The following SERPINA1 variants were observed in gnomAD, a reference collection of about 807,000 sequenced individuals.
SERPINA1 encodes the protein serpin family A member 1, also known as alpha-1-antitrypsin.
SERPINA1 carries 21 observed loss-of-function variants against 25.4 expected under a neutral mutation model. That is an observed-to-expected ratio of 0.83 (90% CI 0.59 to 1.19). The LOEUF (loss-of-function observed/expected upper bound fraction) is 1.19, where lower values mean the gene tolerates loss of function less well. SERPINA1 is among the 50% of genes most tolerant of loss of function. The pLI is 0.00. For missense variants in SERPINA1, 546 were observed against 509.0 expected (o/e 1.07, Z -0.70); for synonymous variants, 218 against 211.1 (o/e 1.03, Z -0.29).
At chr14:94,381,385 T>A (rs1896904982) in intron 2 of SERPINA1, among the ~76,000 whole-genome samples, 2 of 152,210 alleles carry the variant, frequency 1.3e-5, no homozygotes, top group Admixed American at 1.3e-4. Context: ...ATCGTGGCGA[T>A]GTCAGGCTAA....
In SERPINA1 at chr14:94,380,973, G is replaced by A; in HGVS notation, c.815C>T (p.Ala272Val). ...WVLLMKYLGN[A>V]TAIFFLPDEG... ...ATCAGGCAGGAAGAAGATGGCGGTGGCATTGCCCAGGTATTTCATCAGCAG... is the reference window on the plus strand; with the variant it reads ...ATCAGGCAGGAAGAAGATGGCGGTGACATTGCCCAGGTATTTCATCAGCAG... Residue 272 changes from alanine (A) to valine (V), a missense_variant, in exon 3 of 5, where the codon GCC becomes GTC. Coordinates refer to ENST00000393087, the MANE Select transcript of SERPINA1 (RefSeq NM_000295.5). The A allele has an allele frequency of 6.2e-7, 1 of 1,614,130 alleles. No individual in the cohort carries two copies. Among genetic ancestry groups the A allele is most frequent in the Non-Finnish European group, 8.5e-7 (1 of 1,180,040 alleles).
Position 94,382,905 on chromosome 14 carries a change from A to C in SERPINA1, c.333T>G (p.Ile111Met), listed in dbSNP as rs886050923. The change falls in exon 2 of 5, where the codon ATT (isoleucine) becomes ATG (methionine). Residue 111 changes from isoleucine (I) to methionine (M), a missense_variant. Physicochemically the swap from Ile to Met is conservative, Grantham distance 10. Coordinates refer to ENST00000393087, the MANE Select transcript of SERPINA1 (RefSeq NM_000295.5). The part of the protein sequence containing the change: ...LEGLNFNLTE[I>M]PEAQIHEGFQ... ...AGCCTTCATGGATCTGAGCCTCCGG[A>C]ATCTCCGTGAGGTTGAAATTCAGGC... 6.2e-6 allele frequency: 10 copies of C among 1,613,404 alleles called. No individual in the cohort carries two copies. Among genetic ancestry groups the C allele is most frequent in the Non-Finnish European group, 6.8e-6 (8 of 1,179,390 alleles).
At chr14:94,383,320 T>G in intron 1 of SERPINA1, 79 bp from the exon 2 acceptor site, 7 of 1,478,228 alleles carry the variant, frequency 4.7e-6, no homozygotes, top group Non-Finnish European at 6.5e-6. Context: ...TGACACCACG[T>G]GGAAGTGCCT....
At chr14:94,383,309 T>C in intron 1 of SERPINA1, 68 bp from the exon 2 acceptor site, 3 of 1,532,798 alleles carry the variant, frequency 2.0e-6, no homozygotes, top group Middle Eastern at 1.8e-4. Flanking sequence ...TGATCAGGGA[T>C]TGACACCACG....
chr14:94,385,839 A>G (rs1897255030), intron 1 of SERPINA1, among the ~76,000 whole-genome samples: 1 of 151,976 alleles, frequency 6.6e-6, no homozygotes, highest in Admixed American at 6.5e-5. Flanking sequence ...CACATCACCT[A>G]CTCTGGTTTC....
At chr14:94,381,277 T>C (rs1300077782) in intron 2 of SERPINA1, 136 bp from the exon 3 acceptor site, 17 of 850,402 alleles carry the variant, frequency 2.0e-5, no homozygotes, top group Non-Finnish European at 3.0e-5. Flanking sequence ...GAGGCTCAGC[T>C]TCATCATCTG....
intron 1 of SERPINA1, among the ~76,000 whole-genome samples, chr14:94,385,721 G>A (rs888197336): frequency 6.6e-6 from 1 of 152,202 alleles, no homozygotes; most frequent in African/African-American, 2.4e-5. Context: ...TCCTAGACAG[G>A]GGAATTCTGG....
rs143329723 is a variant in SERPINA1, at chr14:94,378,548, G to A, written c.1158C>T (p.Pro386=). ...CAAAGGGTTTGTTGAACTTGACCTC[G>A]GGGGGGATAGACATGGGTATGGCCT... ...FLEAIPMSIP[P]EVKFNKPFVF... is the part of the protein sequence containing the mutation. Residue 386 remains proline, a synonymous_variant, in exon 5 of 5, where the codon CCC becomes CCT. Transcript: ENST00000393087. The A allele has an allele frequency of 3.3e-5, 53 of 1,612,774 alleles. No homozygotes were observed. The highest frequency in any genetic ancestry group is 5.5e-5 in the South Asian group (5 of 91,024).
chr14:94,379,730 C>T, intron 3 of SERPINA1, 119 bp from the exon 4 acceptor site: 3 of 1,363,684 alleles, frequency 2.2e-6, no homozygotes, highest in Non-Finnish European at 3.1e-6. Flanking sequence ...CTGTGTCCTC[C>T]ACCCACACTA....
In SERPINA1 at chr14:94,382,999, C is replaced by T. The variant is rs777478364; in HGVS notation, c.239G>A (p.Ser80Asn). Residue 80 changes from serine (S) to asparagine (N), a missense_variant, in exon 2 of 5, where the codon AGC becomes AAC. Ser to Asn is a conservative substitution (Grantham distance 46). Transcript: ENST00000393087. ...GAGCATTGCAAAGGCTGTAGCGATG[C>T]TCACTGGGGAGAAGAAGATATTGGT... The part of the protein sequence containing the change: ...NSTNIFFSPV[S>N]IATAFAMLSL... 6 of 1,608,976 alleles carry T rather than the reference C, an allele frequency of 3.7e-6. No individual in the cohort carries two copies. Among genetic ancestry groups the T allele is most frequent in the South Asian group, 3.3e-5 (3 of 90,876 alleles).
Position 94,381,153 on chromosome 14 carries a change from G to A in SERPINA1, c.647-12C>T. The A allele has an allele frequency of 6.2e-7, 1 of 1,609,882 alleles. No homozygotes were observed. Among genetic ancestry groups the A allele is most frequent in the Non-Finnish European group, 8.5e-7 (1 of 1,179,798 alleles). ...TCTCTCCCATTTGCCTGGAGAGAGG[G>A]GAAGGTGGGCATCACCAGGGGTGAG... On this transcript the variant is annotated splice_polypyrimidine_tract_variant and intron_variant, in intron 2 of 4. Coordinates refer to ENST00000393087, the MANE Select transcript of SERPINA1 (RefSeq NM_000295.5).
chr14:94,387,563 C>T (rs1279673519), intron 1 of SERPINA1, among the ~76,000 whole-genome samples: 1 of 152,102 alleles, frequency 6.6e-6, no homozygotes, highest in Non-Finnish European at 1.5e-5. Flanking sequence ...ATGTTTTGCC[C>T]AAGAGAACAG....
At chr14:94,384,976 C>T (rs181416728) in intron 1 of SERPINA1, among the ~76,000 whole-genome samples, 1 of 152,340 alleles carries the variant, frequency 6.6e-6, no homozygotes, top group African/African-American at 2.4e-5. Context: ...CTTCAGCTAG[C>T]TAGTGTTGTT....
rs540320172 is a variant in SERPINA1 at position 94,387,207 on chromosome 14, G to T, written c.-5+1353C>A. ...AGGCTCTGAGGCCAGATTGCTCCAC[G>T]TCAACTTGCTATTAGCTGTGTGACC... On this transcript the variant is annotated intron_variant, in intron 1 of 4. Coordinates refer to ENST00000393087, the MANE Select transcript of SERPINA1 (RefSeq NM_000295.5). 1.8e-4 allele frequency among the ~76,000 whole-genome samples: 28 copies of T among 152,324 alleles called. No homozygotes were observed. The South Asian group carries it at 5.6e-3, about 30-fold the overall frequency.
chr14:94,379,726 C>T, intron 3 of SERPINA1, 115 bp from the exon 4 acceptor site: 1 of 1,394,136 alleles, frequency 7.2e-7, no homozygotes, highest in Non-Finnish European at 1.0e-6. Context: ...ACTCCTGTGT[C>T]CTCCACCCAC....
Position 94,383,367 on chromosome 14 carries a change from G to A in SERPINA1, c.-4-126C>T, listed in dbSNP as rs576230140. On this transcript the variant is annotated intron_variant, in intron 1 of 4. Transcript: ENST00000393087. ...AACCAGCCTGTGCCAAGTACTTGCCGACATCAGTAACACTGAAAGAATCAG... is the reference window on the plus strand; with the variant it reads ...AACCAGCCTGTGCCAAGTACTTGCCAACATCAGTAACACTGAAAGAATCAG... 78 of 951,712 alleles carry A rather than the reference G, an allele frequency of 8.2e-5. No individual in the cohort carries two copies. In the East Asian group the frequency reaches 9.8e-4, roughly 12 times the overall value. The allele number at this position is 951,712 out of a possible 1,614,324, so 59.0% of individuals were successfully genotyped here.
At chr14:94,379,150 G>A (rs921504384) in intron 4 of SERPINA1, 1 of 588,272 alleles carries the variant, frequency 1.7e-6, no homozygotes, top group Non-Finnish European at 3.0e-6. Flanking sequence ...AAACAACTTA[G>A]CCCAAACCTT....
intron 1 of SERPINA1, among the ~76,000 whole-genome samples, chr14:94,386,525 A>C (rs909508300): frequency 5.9e-5 from 9 of 152,210 alleles, no homozygotes; most frequent in Non-Finnish European, 8.8e-5. Context: ...TTTGAGCACT[A>C]GCTTCATAGC....
intron 1 of SERPINA1, among the ~76,000 whole-genome samples, chr14:94,387,568 G>A (rs1897363518): frequency 6.6e-6 from 1 of 152,170 alleles, no homozygotes; most frequent in Non-Finnish European, 1.5e-5. Flanking sequence ...TTGCCCAAGA[G>A]AACAGAGAGG....
Sources: allele counts gnomAD v4.1 joint callset (sites outside exome capture counted in the v4.1 genomes callset), GRCh38; gene constraint gnomAD v4.1.1; transcripts MANE v1.5; gene names NCBI Gene and HGNC (gene_info 2026-07-23, HGNC 2026-07-21).